The following CFHR4 variants were observed in gnomAD, a reference collection of about 807,000 sequenced individuals.
CFHR4 encodes the protein complement factor H-related protein 4.
Under a neutral mutation model 69.3 loss-of-function variants are expected in CFHR4, and 64 were observed. That is an observed-to-expected ratio of 0.92 (90% CI 0.76 to 1.14). The LOEUF is 1.14. CFHR4 is among the 50% of genes most tolerant of loss of function. The pLI is 0.00. For synonymous variants in CFHR4, 244 were observed against 237.0 expected, an observed-to-expected ratio of 1.03 and a Z score of -0.27; for missense variants, 636 against 684.9, an observed-to-expected ratio of 0.93 and a Z score of 0.80.
intron 6 of CFHR4, among the ~76,000 whole-genome samples, chr1:196,911,149 G>A (rs1658250211): frequency 6.6e-6 from 1 of 151,532 alleles, no homozygotes; most frequent in Admixed American, 6.6e-5. Flanking sequence ...CCTTTAACTG[G>A]AAAATTTTGT....
chr1:196,914,166 CT>C (rs1247421698), intron 7 of CFHR4, among the ~76,000 whole-genome samples: 1 of 151,274 alleles, frequency 6.6e-6, no homozygotes, highest in Non-Finnish European at 1.5e-5. Flanking sequence ...ATTTTATCAT[CT>C]TTAAAATAAT....
chr1:196,890,475 A>G (rs1263524393), intron 1 of CFHR4, among the ~76,000 whole-genome samples: 1 of 151,588 alleles, frequency 6.6e-6, no homozygotes, highest in Admixed American at 6.6e-5. Context: ...ATTTGTATTG[A>G]GCATTATTTC....
At chr1:196,899,543 C>T (rs888124384) in intron 1 of CFHR4, among the ~76,000 whole-genome samples, 42 of 151,520 alleles carry the variant, frequency 2.8e-4, no homozygotes, top group African/African-American at 9.5e-4. Context: ...AGTCCTCCCA[C>T]CTTGGCCTCC....
chr1:196,896,158 G>A (rs1657283616), intron 1 of CFHR4, among the ~76,000 whole-genome samples: 1 of 148,472 alleles, frequency 6.7e-6, no homozygotes, highest in Non-Finnish European at 1.5e-5. Context: ...ATCTAATAAT[G>A]GGTAACAATG....
At position 196,892,696 on chromosome 1, in the gene CFHR4, T is replaced by C. The variant is rs117239732; in HGVS notation, c.58+4488T>C. 7.7e-4 allele frequency among the ~76,000 whole-genome samples: 116 copies of C among 151,570 alleles called. 6 individuals are homozygous for C. The East Asian group carries it at 0.02, about 26-fold the overall frequency. On this transcript the variant is annotated intron_variant, in intron 1 of 9. Coordinates refer to ENST00000608469, the MANE Select transcript of CFHR4 (RefSeq NM_001201550.3). Reference sequence around the variant, plus strand: ...ATACCATTTATCTCAAGAGAACTAATCTTCAAAGGAAATAAAATCAGCAAC... The same window carrying C: ...ATACCATTTATCTCAAGAGAACTAACCTTCAAAGGAAATAAAATCAGCAAC...
chr1:196,893,620 T>C (rs946619035), intron 1 of CFHR4, among the ~76,000 whole-genome samples: 1 of 151,520 alleles, frequency 6.6e-6, no homozygotes, highest in East Asian at 1.9e-4. Flanking sequence ...CACTACACAA[T>C]TGAGCGATCT....
At chr1:196,896,880 C>T (rs1657326477) in intron 1 of CFHR4, among the ~76,000 whole-genome samples, 1 of 151,438 alleles carries the variant, frequency 6.6e-6, no homozygotes, top group Non-Finnish European at 1.5e-5. Context: ...GAATAACAAG[C>T]TAATGAATTT....
chr1:196,892,118 T>C (rs1657070870), intron 1 of CFHR4, among the ~76,000 whole-genome samples: 1 of 151,596 alleles, frequency 6.6e-6, no homozygotes, highest in South Asian at 2.1e-4. Context: ...AAGCTGAGTT[T>C]AAATTAACGC....
rs764477070 is a variant in CFHR4 at position 196,915,076 on chromosome 1, T to C, written c.1478T>C (p.Leu493Pro). The change falls in exon 9 of 10, where the codon CTT becomes CCT. Residue 493 changes from leucine to proline, a missense_variant. Physicochemically the swap from Leu to Pro is moderately conservative, Grantham distance 98. Coordinates refer to ENST00000608469, the MANE Select transcript of CFHR4 (RefSeq NM_001201550.3). ...TACCAATGCCAGTCCTACTATGAAC[T>C]TCAGGGTTCTAATTATGTAACATGT... is the stretch of plus-strand genomic sequence containing the variant. Reference protein sequence around the residue: ...VEYQCQSYYELQGSNYVTCSN... With the variant: ...VEYQCQSYYEPQGSNYVTCSN... 6 of 1,613,442 alleles carry C rather than the reference T, an allele frequency of 3.7e-6. No homozygotes were observed. In the South Asian group the frequency reaches 6.6e-5, roughly 18 times the overall value.
chr1:196,893,069 G>A (rs1204265007), intron 1 of CFHR4, among the ~76,000 whole-genome samples: 1 of 151,636 alleles, frequency 6.6e-6, no homozygotes, highest in Admixed American at 6.6e-5. Context: ...TCTCCACTGC[G>A]TGGTTCACCC....
chr1:196,913,672 T>C (rs1658408860), intron 7 of CFHR4, among the ~76,000 whole-genome samples: 1 of 151,488 alleles, frequency 6.6e-6, no homozygotes. Context: ...AATTGCCTAA[T>C]GTATTTTTAA....
rs185065134 is a variant in CFHR4 at position 196,902,224 on chromosome 1, C to T, written c.59-194C>T. ...GGAGGGTACATTAAATAGGTCTGCA[C>T]AGTTTTCTTCAATCTTCATTAGCAA... On this transcript the variant is annotated intron_variant, in intron 1 of 9. Coordinates refer to ENST00000608469, the MANE Select transcript of CFHR4 (RefSeq NM_001201550.3). Among the ~76,000 whole-genome samples, 624 of 151,516 alleles carry T rather than the reference C, an allele frequency of 4.1e-3. 25 individuals are homozygous for T. The highest frequency in any genetic ancestry group is 0.013 in the African/African-American group (533 of 41,078).
Position 196,890,330 on chromosome 1 carries a change from C to G in CFHR4, c.58+2122C>G, listed in dbSNP as rs535070276. Among the ~76,000 whole-genome samples the G allele has an allele frequency of 3.3e-4, 50 of 151,516 alleles. 1 individual carries two copies. The highest frequency in any genetic ancestry group is 5.3e-4 in the Admixed American group (8 of 15,212). ...AATGAAGGACATACTTTGTGAGTTG[C>G]CTATGCTAAGAAACTTTGTTTTTAA... On this transcript the variant is annotated intron_variant, in intron 1 of 9. Transcript: ENST00000608469.
chr1:196,892,171 G>A (rs1657074883), intron 1 of CFHR4, among the ~76,000 whole-genome samples: 1 of 151,520 alleles, frequency 6.6e-6, no homozygotes. Flanking sequence ...TACTACGTAG[G>A]AGAAGTGGAT....
chr1:196,914,413 T>G, intron 7 of CFHR4, 82 bp from the exon 8 acceptor site: 1 of 1,424,710 alleles, frequency 7.0e-7, no homozygotes, highest in South Asian at 1.5e-5. Flanking sequence ...TTGGTAAATT[T>G]TATCCCTACA....
At chr1:196,916,989 T>A (rs1031592027) in intron 9 of CFHR4, among the ~76,000 whole-genome samples, 6 of 151,520 alleles carry the variant, frequency 4.0e-5, no homozygotes, top group Non-Finnish European at 7.4e-5. Context: ...TTTAGAAAGT[T>A]TTGGAAAATA....
intron 5 of CFHR4, among the ~76,000 whole-genome samples, chr1:196,908,868 T>C (rs1658072561): frequency 6.6e-6 from 1 of 151,450 alleles, no homozygotes; most frequent in South Asian, 2.1e-4. Flanking sequence ...ATTTCTTTTA[T>C]TTTGATGCTA....
Position 196,912,926 on chromosome 1 carries a change from A to C in CFHR4, c.1180+4A>C, listed in dbSNP as rs373563078. On this transcript the variant is annotated splice_donor_region_variant and intron_variant, in intron 7 of 9. Coordinates refer to ENST00000608469, the MANE Select transcript of CFHR4 (RefSeq NM_001201550.3). ...TCAGCACAACCAATTTGCATTAGTA[A>C]GTGATTTACATATTCCCATTCAGTT... 925 of 1,611,484 alleles carry C rather than the reference A, an allele frequency of 5.7e-4. 28 individuals are homozygous for C. The African/African-American group carries it at 0.011, about 19-fold the overall frequency.
rs528151798 is a variant in CFHR4 at position 196,889,430 on chromosome 1, G to A, written c.58+1222G>A. On this transcript the variant is annotated intron_variant, in intron 1 of 9. Coordinates refer to ENST00000608469, the MANE Select transcript of CFHR4 (RefSeq NM_001201550.3). ...AAATAGAGAAAAACAGTACTATTTT[G>A]AAATGACTGAAATTAGATTAGAATA... 1.5e-3 allele frequency among the ~76,000 whole-genome samples: 233 copies of A among 151,612 alleles called. 3 individuals carry two copies. The highest frequency in any genetic ancestry group is 2.8e-3 in the Non-Finnish European group (192 of 67,872).
Sources: gnomAD v4.1 joint callset for allele counts (sites outside exome capture counted in the v4.1 genomes callset) on GRCh38, gnomAD v4.1.1 for gene constraint, MANE v1.5 for transcripts, NCBI Gene and HGNC (gene_info 2026-07-23, HGNC 2026-07-21) for gene names.